SMAD4: variants seen among roughly 807,000 people sequenced by gnomAD.
SMAD4 encodes the protein MAD homolog 4.
Under a neutral mutation model 63.2 loss-of-function variants are expected in SMAD4, and 7 were observed. That is an observed-to-expected ratio of 0.11 (90% CI 0.06 to 0.21). The LOEUF is 0.21. Among genes scored for constraint, SMAD4 ranks in the 10% least tolerant of loss-of-function variants. SMAD4 has a pLI of 1.00. For missense variants in SMAD4, 312 were observed against 693.8 expected, an observed-to-expected ratio of 0.45 and a Z score of 6.18; for synonymous variants, 215 against 235.4, an observed-to-expected ratio of 0.91 and a Z score of 0.79.
chr18:51,057,607 A>G (rs903055750), intron 5 of SMAD4, among the ~76,000 whole-genome samples: 2 of 152,206 alleles, frequency 1.3e-5, no homozygotes, highest in Non-Finnish European at 2.9e-5. Context: ...TAACTTCCTC[A>G]TCTTCACTAT....
chr18:51,055,071 G>T, intron 5 of SMAD4, 78 bp downstream of exon 5: 2 of 1,021,144 alleles, frequency 2.0e-6, no homozygotes, highest in Non-Finnish European at 3.1e-6. Context: ...CACTTGGGGG[G>T]AAACTCCAAG....
chr18:51,046,938 C>CT lies in SMAD4; in HGVS notation c.-108dup, dbSNP rs1909561800. 2.1e-6 allele frequency: 2 copies of CT among 936,316 alleles called. No homozygotes were observed. Among genetic ancestry groups the CT allele is most frequent in the Non-Finnish European group, 3.4e-6 (2 of 595,478 alleles). 58.0% of individuals were successfully genotyped at this position (936,316 alleles called of 1,614,324 possible). ...TTTTTAGGTTATCCTGAATACATGT[C>CT]TAACAATTTTCCTTGCAACGTTAGC... On this transcript the variant is annotated 5_prime_UTR_variant, in exon 2 of 12. The change creates a premature stop within an existing upstream ORF in the 5' untranslated region. Transcript: ENST00000342988.
At chr18:51,052,356 G>A (rs1195474760) in intron 4 of SMAD4, 1 of 152,604 alleles carries the variant, frequency 6.6e-6, no homozygotes, top group Non-Finnish European at 1.5e-5. Flanking sequence ...ACTAGGAGGA[G>A]CCGGAGTAAT....
rs1274926456 is a variant in SMAD4 at position 51,065,464 on chromosome 18, G to A, written c.997G>A (p.Val333Ile). ...TTCCATTGCTTACTTTGAAATGGAT[G>A]TTCAGGTAGGAGAGACATTTAAGGT... is the stretch of plus-strand genomic sequence containing the variant. ...WCSIAYFEMD[V>I]QVGETFKVPS... The change falls in exon 9 of 12, where the codon GTT becomes ATT. Residue 333 changes from valine (V) to isoleucine (I), a missense_variant. Transcript: ENST00000342988. The A allele has an allele frequency of 6.2e-7, 1 of 1,614,006 alleles. No homozygotes were observed. The highest frequency in any genetic ancestry group is 1.1e-5 in the South Asian group (1 of 91,086).
At chr18:51,034,041 G>A (rs576707136) in intron 1 of SMAD4, among the ~76,000 whole-genome samples, 6 of 152,186 alleles carry the variant, frequency 3.9e-5, no homozygotes, top group Non-Finnish European at 7.4e-5. Context: ...TAAAATTGGC[G>A]GTAACAGTAA....
At chr18:51,064,126 A>G (rs1910088933) in intron 8 of SMAD4, among the ~76,000 whole-genome samples, 1 of 152,030 alleles carries the variant, frequency 6.6e-6, no homozygotes, top group East Asian at 1.9e-4. Flanking sequence ...AAGATTGTTG[A>G]AAGTTTTATT....
intron 5 of SMAD4, 29 bp from the exon 6 acceptor site, chr18:51,058,096 A>G (rs1351351444): frequency 3.1e-6 from 5 of 1,609,920 alleles, no homozygotes; most frequent in African/African-American, 1.3e-5. Flanking sequence ...CTATGAATGT[A>G]CCATGTTAAT....
rs1366587951 is a variant in SMAD4, at chr18:51,083,633, G to T, written c.*5166G>T. On this transcript the variant is annotated 3_prime_UTR_variant, in exon 12 of 12. Coordinates refer to ENST00000342988, the MANE Select transcript of SMAD4 (RefSeq NM_005359.6). ...TAATGGCTCTGGGTTGGGCCAGACA[G>T]TTGCACTCTCTAGTTTGCCCTCTGC... 4.4e-6 allele frequency: 1 copy of T among 227,850 alleles called. No homozygotes were observed. The highest frequency in any genetic ancestry group is 8.7e-6 in the Non-Finnish European group (1 of 114,722). 14.1% of individuals were successfully genotyped at this position (227,850 alleles called of 1,614,324 possible). A position where few individuals can be genotyped will look rare whatever the true frequency, so the allele number is the denominator to read the frequency against.
At chr18:51,075,597 T>C (rs751027557) in intron 10 of SMAD4, among the ~76,000 whole-genome samples, 1 of 152,136 alleles carries the variant, frequency 6.6e-6, no homozygotes, top group Admixed American at 6.5e-5. Context: ...TAAACAAATA[T>C]TTTAGGAAGA....
At chr18:51,047,397 A>G (rs996597023) in intron 2 of SMAD4, 102 bp downstream of exon 2, 8 of 981,796 alleles carry the variant, frequency 8.1e-6, no homozygotes, top group Non-Finnish European at 1.3e-5. Context: ...TTTGTGCTCC[A>G]TCTCTTCAGA....
intron 11 of SMAD4, chr18:51,077,367 T>A (rs1225258256): frequency 1.0e-6 from 1 of 984,450 alleles, no homozygotes. Flanking sequence ...CTTCCACGTC[T>A]GAAGGCATAA....
rs1465793060 is a variant in SMAD4, at chr18:51,080,233, C to G, written c.*1766C>G. ...ACCATCCTAGAAACCACTGAGTTTG[C>G]TTATTTCTGTGATTTAAACATAGAT... On this transcript the variant is annotated 3_prime_UTR_variant, in exon 12 of 12. Coordinates refer to ENST00000342988, the MANE Select transcript of SMAD4 (RefSeq NM_005359.6). 4.3e-6 allele frequency: 1 copy of G among 231,930 alleles called. No homozygotes were observed. Among genetic ancestry groups the G allele is most frequent in the African/African-American group, 2.2e-5 (1 of 45,268 alleles). The allele number at this position is 231,930 out of a possible 1,614,324, so 14.4% of individuals were successfully genotyped here.
In SMAD4 at chr18:51,056,123, A is replaced by G. The variant is rs1372288260; in HGVS notation, c.667+1130A>G. On this transcript the variant is annotated intron_variant, in intron 5 of 11. Transcript: ENST00000342988. ...AGTTCCTTAATCACTTGGTGCTTCT[A>G]TTATCTGTCTACTTTTTATTTACCA... is the stretch of plus-strand genomic sequence containing the variant. 4.6e-5 allele frequency among the ~76,000 whole-genome samples: 7 copies of G among 152,212 alleles called. No individual in the cohort carries two copies. In the South Asian group the frequency reaches 6.2e-4, roughly 14 times the overall value.
At chr18:51,034,162 C>T (rs183036889) in intron 1 of SMAD4, among the ~76,000 whole-genome samples, 5 of 152,120 alleles carry the variant, frequency 3.3e-5, no homozygotes, top group Non-Finnish European at 7.4e-5. Context: ...TGCTTTTTTA[C>T]TCCCAATGTT....
chr18:51,066,186 T>A (rs1490029024), intron 9 of SMAD4, among the ~76,000 whole-genome samples: 2 of 151,920 alleles, frequency 1.3e-5, no homozygotes, highest in African/African-American at 4.8e-5. Context: ...ACCCTGTCTC[T>A]ACCAAAAATT....
chr18:51,032,156 A>C (rs1599170845), intron 1 of SMAD4, among the ~76,000 whole-genome samples: 1 of 152,366 alleles, frequency 6.6e-6, no homozygotes, highest in South Asian at 2.1e-4. Flanking sequence ...TGTTGGAATT[A>C]AAACTAAAAG....
At chr18:51,049,078 C>G (rs1909630909) in intron 3 of SMAD4, among the ~76,000 whole-genome samples, 1 of 151,880 alleles carries the variant, frequency 6.6e-6, no homozygotes, top group African/African-American at 2.4e-5. Flanking sequence ...ATATTTTGCC[C>G]CTTTAGAACA....
chr18:51,044,334 A>AT (rs1941336825), intron 1 of SMAD4, among the ~76,000 whole-genome samples: 1 of 152,166 alleles, frequency 6.6e-6, no homozygotes, highest in Non-Finnish European at 1.5e-5. Flanking sequence ...TTTTAGACAG[A>AT]TTTTAATAGA....
intron 8 of SMAD4, among the ~76,000 whole-genome samples, chr18:51,060,380 T>C (rs1343470990): frequency 1.3e-5 from 2 of 152,214 alleles, no homozygotes; most frequent in African/African-American, 4.8e-5. Context: ...AGTAGCTTTC[T>C]TCAGTTCAAA....
Sources: allele counts gnomAD v4.1 joint callset (sites outside exome capture counted in the v4.1 genomes callset), GRCh38; gene constraint gnomAD v4.1.1; transcripts MANE v1.5; gene names NCBI Gene and HGNC (gene_info 2026-07-23, HGNC 2026-07-21).